The following SHISA9 variants were observed in gnomAD, a reference collection of about 807,000 sequenced individuals.
The protein encoded by SHISA9 is protein shisa-9.
SHISA9 carries 13 observed loss-of-function variants against 38.0 expected under a neutral mutation model. That is an observed-to-expected ratio of 0.34 (90% CI 0.22 to 0.54). SHISA9 has a LOEUF of 0.54. SHISA9 is among the 20% of genes least tolerant of loss of function. The pLI is 0.91. For synonymous variants in SHISA9, 275 were observed against 242.0 expected (o/e 1.14, Z -1.27); for missense variants, 538 against 575.8 (o/e 0.93, Z 0.67).
At chr16:13,083,264 G>A (rs1268283406) in intron 2 of SHISA9, among the ~76,000 whole-genome samples, 5 of 152,194 alleles carry the variant, frequency 3.3e-5, no homozygotes, top group African/African-American at 1.2e-4. Flanking sequence ...TTAAGATTCA[G>A]GCTTGAACAA....
chr16:12,942,448 A>G (rs775420758), intron 2 of SHISA9, among the ~76,000 whole-genome samples: 3 of 152,234 alleles, frequency 2.0e-5, no homozygotes, highest in African/African-American at 7.2e-5. Context: ...TTGACCAACC[A>G]TGGAAGCATG....
the SHISA9 span, among the ~76,000 whole-genome samples, chr16:13,384,942 CTG>C: frequency 1.3e-5 from 2 of 152,094 alleles, no homozygotes; most frequent in South Asian, 4.1e-4. Flanking sequence ...GAAGTAGTAT[CTG>C]TAATCCATAA....
intron 2 of SHISA9, among the ~76,000 whole-genome samples, chr16:13,001,878 GATGA>G (rs2072530298): frequency 6.6e-6 from 1 of 152,146 alleles, no homozygotes; most frequent in African/African-American, 2.4e-5. Flanking sequence ...GGGGAGGGTA[GATGA>G]ATAAATAGGT....
the SHISA9 span, among the ~76,000 whole-genome samples, chr16:13,493,987 C>T: frequency 2.6e-5 from 4 of 151,920 alleles, no homozygotes; most frequent in Admixed American, 2.6e-4. Context: ...ATTCTGATGG[C>T]TGGAGTTGTG....
chr16:13,243,442 G>A (rs1283408028), downstream of SHISA9, among the ~76,000 whole-genome samples: 1 of 152,100 alleles, frequency 6.6e-6, no homozygotes, highest in African/African-American at 2.4e-5. Context: ...ACAACTCAAA[G>A]TGGGGGGGCT....
intron 2 of SHISA9, among the ~76,000 whole-genome samples, chr16:12,935,859 A>AG (rs1220445118): frequency 4.6e-5 from 7 of 150,980 alleles, no homozygotes; most frequent in Admixed American, 4.6e-4. Flanking sequence ...AAAAAGAAAA[A>AG]AAAAAAAAAG....
chr16:13,019,875 C>T (rs1596589464), intron 2 of SHISA9, among the ~76,000 whole-genome samples: 2 of 31,984 alleles, frequency 6.3e-5, no homozygotes, highest in Admixed American at 8.2e-4. Flanking sequence ...TCCCTCCCTC[C>T]CTCCCTCCCT....
At chr16:13,451,110 G>A in the SHISA9 span, among the ~76,000 whole-genome samples, 1 of 152,116 alleles carries the variant, frequency 6.6e-6, no homozygotes, top group African/African-American at 2.4e-5. Flanking sequence ...AGCCCTCAGT[G>A]ATGGATGGGA....
At chr16:13,187,646 C>A (rs1026279247) in intron 2 of SHISA9, among the ~76,000 whole-genome samples, 4 of 151,934 alleles carry the variant, frequency 2.6e-5, no homozygotes, top group Admixed American at 2.0e-4. Context: ...ATCTGGGGAA[C>A]TTTTGAAGGT....
At chr16:13,246,265 A>G in the SHISA9 span, 2 of 152,112 alleles carry the variant, frequency 1.3e-5, no homozygotes, top group Non-Finnish European at 2.9e-5. Flanking sequence ...AAGTCTCACA[A>G]GATCTGATGG....
chr16:13,207,138 C>A (rs776301985), intron 3 of SHISA9, among the ~76,000 whole-genome samples: 2 of 152,198 alleles, frequency 1.3e-5, no homozygotes, highest in African/African-American at 4.8e-5. Context: ...GTGGCAGGCA[C>A]CTGTAATCCC....
chr16:13,458,177 A>G, the SHISA9 span: 1 of 190,736 alleles, frequency 5.2e-6, no homozygotes, highest in Non-Finnish European at 1.1e-5. Flanking sequence ...GTACCAGTCA[A>G]CCTATCAAAC....
intron 4 of SHISA9, among the ~76,000 whole-genome samples, chr16:13,233,572 A>T (rs764265954): frequency 6.6e-6 from 1 of 152,234 alleles, no homozygotes; most frequent in Admixed American, 6.5e-5. Context: ...CCAGCACTCA[A>T]TTCTACCACA....
At chr16:13,310,519 G>C in the SHISA9 span, among the ~76,000 whole-genome samples, 16 of 151,976 alleles carry the variant, frequency 1.1e-4, no homozygotes. Context: ...TTATTTAATA[G>C]GGGCATTCTA....
chr16:13,144,738 G>A (rs1320219564), intron 2 of SHISA9, among the ~76,000 whole-genome samples: 2 of 152,144 alleles, frequency 1.3e-5, no homozygotes, highest in Non-Finnish European at 2.9e-5. Context: ...TTTGGGCCTT[G>A]GTTTGGACAA....
Position 13,145,350 on chromosome 16 carries a change from C to A in SHISA9, c.692-58044C>A, listed in dbSNP as rs1384536684. 2.6e-5 allele frequency among the ~76,000 whole-genome samples: 4 copies of A among 152,160 alleles called. 1 individual carries two copies. The highest frequency in any genetic ancestry group is 1.5e-5 in the Non-Finnish European group (1 of 68,028). The stretch of plus-strand genomic sequence containing the variant: ...GATCAGCCTGGTCAACATGGCAAAA[C>A]CCTGTCTCTACTAAAAATACAAAAA... On this transcript the variant is annotated intron_variant, in intron 2 of 4. Coordinates refer to ENST00000558583, the MANE Select transcript of SHISA9 (RefSeq NM_001145204.3).
intron 1 of SHISA9, among the ~76,000 whole-genome samples, chr16:12,906,673 G>T (rs2071099308): frequency 6.6e-6 from 1 of 151,416 alleles, no homozygotes; most frequent in Admixed American, 6.6e-5. Flanking sequence ...ATTTTGTGTT[G>T]TGAGAAGTTT....
At chr16:13,357,829 T>A in the SHISA9 span, among the ~76,000 whole-genome samples, 10 of 147,186 alleles carry the variant, frequency 6.8e-5, no homozygotes, top group Non-Finnish European at 4.5e-5. Context: ...TCAGTGGGGG[T>A]GCTTTTTGAG....
At chr16:13,244,406 G>A (rs1328762050), downstream of SHISA9, among the ~76,000 whole-genome samples, 1 of 152,090 alleles carries the variant, frequency 6.6e-6, no homozygotes, top group Non-Finnish European at 1.5e-5. Flanking sequence ...CCTACTCAAA[G>A]TGAAGATGAC....
Sources: gnomAD v4.1 joint callset for allele counts (sites outside exome capture counted in the v4.1 genomes callset) on GRCh38, gnomAD v4.1.1 for gene constraint, MANE v1.5 for transcripts, NCBI Gene and HGNC (gene_info 2026-07-23, HGNC 2026-07-21) for gene names.